Variants in CMSS1 observed in about 807,000 individuals in gnomAD.
CMSS1 encodes the protein cms1 ribosomal small subunit homolog, also known as protein CMSS1.
In CMSS1, 33 loss-of-function variants were observed where a neutral mutation model predicts 43.5. The ratio of observed to expected loss-of-function variants is 0.76; its 90% confidence interval spans 0.57 to 1.01. CMSS1 has a LOEUF of 1.01. CMSS1 is among the 50% of genes least tolerant of loss of function. The pLI is 0.00. For missense variants in CMSS1, 313 were observed against 326.4 expected, an observed-to-expected ratio of 0.96 and a Z score of 0.32; for synonymous variants, 115 against 117.2, an observed-to-expected ratio of 0.98 and a Z score of 0.12.
chr3:99,829,491 G>C (rs1385669826), intron 1 of CMSS1, among the ~76,000 whole-genome samples: 1 of 152,196 alleles, frequency 6.6e-6, no homozygotes, highest in East Asian at 1.9e-4. Flanking sequence ...TAGGTTATCA[G>C]AACTGGAAGG....
At chr3:99,933,172 C>T (rs761522475) in intron 1 of CMSS1, among the ~76,000 whole-genome samples, 1 of 152,118 alleles carries the variant, frequency 6.6e-6, no homozygotes, top group Non-Finnish European at 1.5e-5. Context: ...AAAATCATGC[C>T]GTAATGTCAT....
At chr3:100,014,602 A>AT (rs1192627493) in intron 1 of CMSS1, among the ~76,000 whole-genome samples, 2 of 151,928 alleles carry the variant, frequency 1.3e-5, no homozygotes, top group Non-Finnish European at 2.9e-5. Flanking sequence ...GATGTTAAAC[A>AT]TTTTTTCATA....
At chr3:99,938,930 C>T (rs1707775448) in intron 1 of CMSS1, among the ~76,000 whole-genome samples, 1 of 152,108 alleles carries the variant, frequency 6.6e-6, no homozygotes, top group Non-Finnish European at 1.5e-5. Context: ...TAAAAAAAGA[C>T]AATTGAAAAC....
At chr3:99,956,367 T>C (rs995218748) in intron 1 of CMSS1, among the ~76,000 whole-genome samples, 4 of 152,190 alleles carry the variant, frequency 2.6e-5, no homozygotes, top group African/African-American at 9.7e-5. Flanking sequence ...TTGTTTGTTT[T>C]TGTGAGATGG....
rs552659707 is a variant in CMSS1, at chr3:100,060,680, C to A, written c.65-86293C>A. 2.0e-5 allele frequency among the ~76,000 whole-genome samples: 3 copies of A among 152,060 alleles called. No homozygotes were observed. The East Asian group carries it at 5.8e-4, about 29-fold the overall frequency. On this transcript the variant is annotated intron_variant, in intron 1 of 9. Coordinates refer to ENST00000421999, the MANE Select transcript of CMSS1 (RefSeq NM_032359.4). ...GACCAGCCTGGGCAATATAGTGAAA[C>A]CCCATCTCCACAAAAAATAGAAAAA...
At chr3:100,147,166 T>A in intron 2 of CMSS1, 105 bp downstream of exon 2, 1 of 1,223,514 alleles carries the variant, frequency 8.2e-7, no homozygotes, top group South Asian at 2.0e-5. Context: ...TTGGTGGGAT[T>A]TAAGAGAGCC....
At chr3:99,844,933 C>A (rs558091784) in intron 1 of CMSS1, among the ~76,000 whole-genome samples, 1 of 152,120 alleles carries the variant, frequency 6.6e-6, no homozygotes, top group Admixed American at 6.5e-5. Flanking sequence ...GAGGCCTCCC[C>A]CAGCCATGAG....
At chr3:99,905,406 C>T (rs1706582149) in intron 1 of CMSS1, among the ~76,000 whole-genome samples, 1 of 152,212 alleles carries the variant, frequency 6.6e-6, no homozygotes, top group South Asian at 2.1e-4. Context: ...ATTGCTCTTA[C>T]TAGGACTAAT....
intron 1 of CMSS1, among the ~76,000 whole-genome samples, chr3:99,847,753 A>G (rs940622721): frequency 2.0e-5 from 3 of 152,290 alleles, no homozygotes; most frequent in Non-Finnish European, 4.4e-5. Context: ...ATTTTTATTT[A>G]TTTGAACCAC....
At chr3:100,017,871 G>T (rs1252778701) in intron 1 of CMSS1, among the ~76,000 whole-genome samples, 2 of 152,152 alleles carry the variant, frequency 1.3e-5, no homozygotes, top group African/African-American at 2.4e-5. Context: ...TATTTCTCAG[G>T]CCCATAACTA....
rs371089662 is a variant in CMSS1, at chr3:99,827,455, G to A, written c.64+9412G>A. Among the ~76,000 whole-genome samples the A allele has an allele frequency of 9.9e-5, 15 of 152,276 alleles. No homozygotes were observed. The East Asian group carries it at 1.7e-3, about 18-fold the overall frequency. On this transcript the variant is annotated intron_variant, in intron 1 of 9. Coordinates refer to ENST00000421999, the MANE Select transcript of CMSS1 (RefSeq NM_032359.4). The stretch of plus-strand genomic sequence containing the variant: ...GATCTGCCCGCCTTGGCCTCCCAAA[G>A]TGCTGGGATTACAGGTGTGAGTCAC...
At chr3:99,847,847 A>G (rs2107519482) in intron 1 of CMSS1, 1 of 642,476 alleles carries the variant, frequency 1.6e-6, no homozygotes, top group East Asian at 1.3e-4. Flanking sequence ...ATTAATAGAG[A>G]CTATAAGCAA....
At chr3:99,877,412 G>A (rs1314291780) in intron 1 of CMSS1, among the ~76,000 whole-genome samples, 2 of 152,136 alleles carry the variant, frequency 1.3e-5, no homozygotes, top group African/African-American at 4.8e-5. Flanking sequence ...TGGAAATGGT[G>A]TGGAATAAAG....
intron 1 of CMSS1, among the ~76,000 whole-genome samples, chr3:99,968,716 A>C (rs1258324829): frequency 6.6e-6 from 1 of 152,188 alleles, no homozygotes; most frequent in Non-Finnish European, 1.5e-5. Flanking sequence ...AAAACAGAGA[A>C]ATAAGAAAAA....
intron 1 of CMSS1, among the ~76,000 whole-genome samples, chr3:99,894,986 AT>A (rs1444478538): frequency 6.6e-6 from 1 of 152,160 alleles, no homozygotes; most frequent in African/African-American, 2.4e-5. Context: ...CCCACTTTGG[AT>A]TCCAGGTGAA....
At chr3:100,063,538 C>G (rs1404801323) in intron 1 of CMSS1, among the ~76,000 whole-genome samples, 2 of 152,156 alleles carry the variant, frequency 1.3e-5, no homozygotes, top group Non-Finnish European at 2.9e-5. Context: ...GGCTCCTAAG[C>G]TTCCATCCCA....
At chr3:100,028,797 A>G (rs1576653571) in intron 1 of CMSS1, among the ~76,000 whole-genome samples, 1 of 152,284 alleles carries the variant, frequency 6.6e-6, no homozygotes, top group East Asian at 1.9e-4. Context: ...GTTGACTCTG[A>G]TAAGCTATCA....
chr3:100,030,249 T>C (rs2065001398), intron 1 of CMSS1, among the ~76,000 whole-genome samples: 2 of 152,048 alleles, frequency 1.3e-5, no homozygotes, highest in African/African-American at 2.4e-5. Context: ...AGTATTGGAG[T>C]TGTACCAAAA....
chr3:100,067,239 G>A (rs2065681966), intron 1 of CMSS1, among the ~76,000 whole-genome samples: 1 of 152,112 alleles, frequency 6.6e-6, no homozygotes, highest in Admixed American at 6.6e-5. Flanking sequence ...ACAAAAGTAA[G>A]GTATCCCTAC....
Sources: gnomAD v4.1 joint callset for allele counts (sites outside exome capture counted in the v4.1 genomes callset) on GRCh38, gnomAD v4.1.1 for gene constraint, MANE v1.5 for transcripts, NCBI Gene and HGNC (gene_info 2026-07-23, HGNC 2026-07-21) for gene names.